Variants in LARGE1 observed in about 807,000 individuals in gnomAD.
LARGE1 encodes the protein xylosyl- and glucuronyltransferase LARGE1.
A neutral mutation model predicts 87.6 loss-of-function variants in LARGE1; 43 were observed. The observed-to-expected ratio is 0.49, with a 90% CI of 0.38 to 0.63. The LOEUF is 0.63. Ranked by LOEUF, LARGE1 falls within the 30% of genes least tolerant of loss-of-function variation. LARGE1 has a pLI of 0.00. For missense variants in LARGE1, 802 were observed against 1,000.2 expected, an observed-to-expected ratio of 0.80 and a Z score of 2.67; for synonymous variants, 434 against 394.6, an observed-to-expected ratio of 1.10 and a Z score of -1.18.
At chr22:33,279,949 AC>A (rs1165681328) in intron 13 of LARGE1, among the ~76,000 whole-genome samples, 2 of 152,244 alleles carry the variant, frequency 1.3e-5, no homozygotes, top group African/African-American at 4.8e-5. Flanking sequence ...GCCTTGCAGA[AC>A]AAAATGCTTT....
chr22:33,252,497 C>T (rs751163753), intron 11 of LARGE1, among the ~76,000 whole-genome samples: 10 of 152,210 alleles, frequency 6.6e-5, no homozygotes, highest in Middle Eastern at 3.4e-3. Context: ...GCATATTAAA[C>T]GTTCTCTTAT....
At chr22:33,350,185 A>G (rs1169475608) in intron 9 of LARGE1, among the ~76,000 whole-genome samples, 3 of 152,186 alleles carry the variant, frequency 2.0e-5, no homozygotes, top group Non-Finnish European at 2.9e-5. Context: ...ATCATGTTCA[A>G]TGTGTTGGGT....
intron 9 of LARGE1, among the ~76,000 whole-genome samples, chr22:33,340,071 T>C (rs964964279): frequency 2.7e-5 from 4 of 148,906 alleles, no homozygotes; most frequent in Admixed American, 6.6e-5. Context: ...ATTATTACTA[T>C]AGAATAACCA....
At chr22:33,745,731 C>A (rs1379061112) in intron 2 of LARGE1, among the ~76,000 whole-genome samples, 1 of 152,146 alleles carries the variant, frequency 6.6e-6, no homozygotes, top group African/African-American at 2.4e-5. Context: ...GCCAAGGCAA[C>A]TGGCACAGGA....
intron 1 of LARGE1, among the ~76,000 whole-genome samples, chr22:33,826,281 CT>C (rs2062780352): frequency 6.6e-6 from 1 of 151,948 alleles, no homozygotes; most frequent in Non-Finnish European, 1.5e-5. Context: ...GGCTGCATGA[CT>C]GCAGTCTCTA....
intron 3 of LARGE1, among the ~76,000 whole-genome samples, chr22:33,640,503 T>C (rs1249692224): frequency 6.6e-6 from 1 of 151,968 alleles, no homozygotes; most frequent in East Asian, 1.9e-4. Flanking sequence ...AAAGTCAACA[T>C]GGCAGTTCAG....
chr22:33,402,984 C>T (rs543410774), intron 7 of LARGE1, among the ~76,000 whole-genome samples: 2 of 152,130 alleles, frequency 1.3e-5, no homozygotes, highest in Non-Finnish European at 1.5e-5. Flanking sequence ...AAAATCCATG[C>T]GTTTTCTAAT....
intron 12 of LARGE1, among the ~76,000 whole-genome samples, chr22:33,287,159 T>A (rs1048720589): frequency 6.6e-6 from 1 of 152,210 alleles, no homozygotes; most frequent in African/African-American, 2.4e-5. Flanking sequence ...AAGTCCTAGT[T>A]TGATTCTATA....
At chr22:33,343,176 T>TGTGGTGCAATCTG (rs1194252846) in intron 9 of LARGE1, among the ~76,000 whole-genome samples, 1 of 152,272 alleles carries the variant, frequency 6.6e-6, no homozygotes, top group East Asian at 1.9e-4. Context: ...TCACCCAGGC[T>TGTGGTGCAATCTG]GGAGTACAGT....
At position 33,608,964 on chromosome 22, in the gene LARGE1, T is replaced by G. The variant is rs1388283047; in HGVS notation, c.492-4406A>C. Among the ~76,000 whole-genome samples the G allele has an allele frequency of 2.6e-5, 4 of 152,236 alleles. No individual in the cohort carries two copies. The East Asian group carries it at 7.7e-4, about 29-fold the overall frequency. On this transcript the variant is annotated intron_variant, in intron 4 of 14. Transcript: ENST00000397394. Reference sequence around the variant, plus strand: ...AGTACTACCTGATATATGGTAAGATTTCAATACAGGTTATCTATTACCAAT... The same window carrying G: ...AGTACTACCTGATATATGGTAAGATGTCAATACAGGTTATCTATTACCAAT...
At chr22:33,356,286 A>T (rs1329774052) in intron 9 of LARGE1, among the ~76,000 whole-genome samples, 1 of 152,242 alleles carries the variant, frequency 6.6e-6, no homozygotes, top group Non-Finnish European at 1.5e-5. Context: ...CAAAAAATGG[A>T]TGAGTGCTGA....
chr22:33,672,751 T>G (rs1237766389), intron 2 of LARGE1, among the ~76,000 whole-genome samples: 1 of 152,192 alleles, frequency 6.6e-6, no homozygotes, highest in Non-Finnish European at 1.5e-5. Flanking sequence ...AAGGAGTTGG[T>G]AGAGAAGTAG....
At chr22:33,373,815 A>G (rs1351324636) in intron 9 of LARGE1, among the ~76,000 whole-genome samples, 1 of 151,986 alleles carries the variant, frequency 6.6e-6, no homozygotes, top group Non-Finnish European at 1.5e-5. Context: ...TCTACTAAAA[A>G]TACAACAAAT....
At chr22:33,089,409 CTTCT>C in the LARGE1 span, among the ~76,000 whole-genome samples, 1 of 124,058 alleles carries the variant, frequency 8.1e-6, no homozygotes, top group Admixed American at 8.6e-5. Context: ...CTTTCTTCTT[CTTCT>C]ACTTCTTCTT....
intron 2 of LARGE1, among the ~76,000 whole-genome samples, chr22:33,685,133 G>C (rs968646169): frequency 1.3e-5 from 2 of 152,196 alleles, no homozygotes; most frequent in African/African-American, 4.8e-5. Flanking sequence ...ACTGTGACTG[G>C]GGCAGCTGGC....
intron 6 of LARGE1, among the ~76,000 whole-genome samples, chr22:33,437,224 CATA>C (rs373462256): frequency 1.3e-5 from 2 of 152,294 alleles, no homozygotes; most frequent in African/African-American, 4.8e-5. Context: ...GTGACTGGCA[CATA>C]ATAAACTCAC....
intron 2 of LARGE1, among the ~76,000 whole-genome samples, chr22:33,722,188 G>A (rs12172550): frequency 6.6e-6 from 1 of 151,786 alleles, no homozygotes; most frequent in Non-Finnish European, 1.5e-5. Context: ...GGGAGGCGGA[G>A]GTTGCAATGA....
chr22:33,216,683 T>C (rs1163188232), intron 11 of LARGE1, among the ~76,000 whole-genome samples: 1 of 151,594 alleles, frequency 6.6e-6, no homozygotes, highest in Non-Finnish European at 1.5e-5. Flanking sequence ...CAAGAATTAA[T>C]GATCATTTCA....
intron 1 of LARGE1, among the ~76,000 whole-genome samples, chr22:33,845,347 T>C (rs1040851801): frequency 6.6e-6 from 1 of 152,166 alleles, no homozygotes; most frequent in Non-Finnish European, 1.5e-5. Flanking sequence ...TCACTCTTGT[T>C]GCCCAGGCTG....
Sources: gnomAD v4.1 joint callset for allele counts (sites outside exome capture counted in the v4.1 genomes callset) on GRCh38, gnomAD v4.1.1 for gene constraint, MANE v1.5 for transcripts, NCBI Gene and HGNC (gene_info 2026-07-23, HGNC 2026-07-21) for gene names.